Variants in DLG2 observed in about 807,000 individuals in gnomAD.
DLG2 encodes the protein disks large homolog 2.
In DLG2, 45 loss-of-function variants were observed where a neutral mutation model predicts 132.5. That is an observed-to-expected ratio of 0.34 (90% CI 0.27 to 0.44). The LOEUF is 0.44. Ranked by LOEUF, DLG2 falls within the 20% of genes least tolerant of loss-of-function variation. The probability of loss-of-function intolerance (pLI) is 1.00; values close to 1 mark genes in which losing one functional copy is unlikely to be tolerated. For synonymous variants in DLG2, 424 were observed against 419.6 expected, an observed-to-expected ratio of 1.01 and a Z score of -0.13; for missense variants, 1,045 against 1,196.9, an observed-to-expected ratio of 0.87 and a Z score of 1.87.
intron 3 of DLG2, among the ~76,000 whole-genome samples, chr11:85,454,164 C>T (rs548678379): frequency 1.3e-5 from 2 of 150,404 alleles, no homozygotes; most frequent in African/African-American, 2.4e-5. Context: ...TAGTATACCA[C>T]GTGTATAAGC....
intron 3 of DLG2, among the ~76,000 whole-genome samples, chr11:85,306,529 C>T (rs1398010090): frequency 6.6e-6 from 1 of 152,166 alleles, no homozygotes; most frequent in Non-Finnish European, 1.5e-5. Context: ...CCTTCCAACC[C>T]TTTAGGAACT....
chr11:84,193,872 C>G (rs1043556493), intron 8 of DLG2, among the ~76,000 whole-genome samples: 1 of 152,148 alleles, frequency 6.6e-6, no homozygotes, highest in African/African-American at 2.4e-5. Flanking sequence ...TACCTTTGGG[C>G]AAGGGGTGTT....
At chr11:85,485,268 G>T (rs1468028469) in intron 3 of DLG2, among the ~76,000 whole-genome samples, 1 of 152,122 alleles carries the variant, frequency 6.6e-6, no homozygotes, top group East Asian at 1.9e-4. Flanking sequence ...CGAGTTAGTG[G>T]GTGCAGCGCA....
intron 6 of DLG2, among the ~76,000 whole-genome samples, chr11:85,019,650 G>C (rs912492119): frequency 2.0e-5 from 3 of 152,054 alleles, no homozygotes; most frequent in Non-Finnish European, 4.4e-5. Flanking sequence ...CCCAGTGTGT[G>C]ATGTTCCCCA....
intron 6 of DLG2, among the ~76,000 whole-genome samples, chr11:84,586,217 G>A (rs756257176): frequency 6.8e-6 from 1 of 146,324 alleles, no homozygotes; most frequent in Non-Finnish European, 1.5e-5. Context: ...CTTTCTCTAT[G>A]TGTTCTGTTT....
chr11:85,349,336 T>G (rs2083100863), intron 3 of DLG2, among the ~76,000 whole-genome samples: 1 of 152,096 alleles, frequency 6.6e-6, no homozygotes, highest in Admixed American at 6.5e-5. Context: ...ACTAAGTGCC[T>G]TCTATCCACT....
Position 83,471,659 on chromosome 11 carries a change from C to T in DLG2, c.2413G>A (p.Glu805Lys). ...CAGGAGCCAAATTTATCAGGGAATT[C>T]AGATATCAAGTCGTCATTGATCCGA... ...KDRINDDLIS[E>K]FPDKFGSCVP... Residue 805 changes from glutamate to lysine, a missense_variant, in exon 24 of 28, where the codon GAA becomes AAA. Physicochemically the swap from Glu to Lys is moderately conservative, Grantham distance 56. This residue lies in a region of DLG2 where 398 missense variants were observed against 543.6 expected (regional missense o/e 0.73). Transcript: ENST00000376104. 6.2e-7 allele frequency: 1 copy of T among 1,613,186 alleles called. No individual in the cohort carries two copies. Among genetic ancestry groups the T allele is most frequent in the South Asian group, 1.1e-5 (1 of 91,036 alleles).
intron 18 of DLG2, among the ~76,000 whole-genome samples, chr11:83,762,919 T>G (rs933929825): frequency 6.6e-6 from 1 of 152,238 alleles, no homozygotes; most frequent in African/African-American, 2.4e-5. Flanking sequence ...TTAGAAGCTT[T>G]GAACATCTGA....
intron 4 of DLG2, among the ~76,000 whole-genome samples, chr11:85,209,571 G>A (rs1231328253): frequency 3.0e-5 from 4 of 135,510 alleles, no homozygotes; most frequent in Non-Finnish European, 6.2e-5. Context: ...GGAATTACAG[G>A]AGCACACTAC....
intron 6 of DLG2, among the ~76,000 whole-genome samples, chr11:84,987,572 C>A (rs947399014): frequency 1.3e-5 from 2 of 152,088 alleles, no homozygotes; most frequent in African/African-American, 4.8e-5. Context: ...AAAATAGGCA[C>A]ATAGACGAAT....
At chr11:83,933,641 T>C (rs2080835076) in intron 14 of DLG2, among the ~76,000 whole-genome samples, 1 of 152,228 alleles carries the variant, frequency 6.6e-6, no homozygotes, top group Non-Finnish European at 1.5e-5. Context: ...TGGTGTATGT[T>C]GGAGGGAGGT....
chr11:83,633,534 C>T (rs2063950487), intron 18 of DLG2, among the ~76,000 whole-genome samples: 1 of 151,946 alleles, frequency 6.6e-6, no homozygotes, highest in African/African-American at 2.4e-5. Context: ...CCAAAACGTA[C>T]CTGGAAAACA....
chr11:83,572,255 G>A (rs544221594), intron 19 of DLG2, among the ~76,000 whole-genome samples: 36 of 152,118 alleles, frequency 2.4e-4, no homozygotes, highest in African/African-American at 7.7e-4. Flanking sequence ...TGGGCTTGAA[G>A]TCATCTATTA....
Position 84,968,662 on chromosome 11 carries a change from CAT to C in DLG2, c.357+142997_357+142998del, listed in dbSNP as rs535843523. 4.9e-3 allele frequency among the ~76,000 whole-genome samples: 751 copies of C among 152,196 alleles called. 1 individual carries two copies. The highest frequency in any genetic ancestry group is 8.5e-3 in the Non-Finnish European group (577 of 68,016). ...TTGAAGACTATGGTAGAATTTTATACATGTTAAAATGTTTGAAAGTAATGTTC... is the reference window on the plus strand; with the variant it reads ...TTGAAGACTATGGTAGAATTTTATACGTTAAAATGTTTGAAAGTAATGTTC... On this transcript the variant is annotated intron_variant, in intron 6 of 27. Coordinates refer to ENST00000376104, the MANE Select transcript of DLG2 (RefSeq NM_001142699.3).
At chr11:84,314,238 A>G (rs2098331990) in intron 7 of DLG2, among the ~76,000 whole-genome samples, 1 of 152,202 alleles carries the variant, frequency 6.6e-6, no homozygotes, top group Non-Finnish European at 1.5e-5. Flanking sequence ...CTATTTTAAA[A>G]CATGCACTAT....
chr11:85,072,868 A>G (rs1252617501), intron 6 of DLG2, among the ~76,000 whole-genome samples: 1 of 151,876 alleles, frequency 6.6e-6, no homozygotes, highest in Non-Finnish European at 1.5e-5. Flanking sequence ...ACATTTCATC[A>G]TTTGATAGCA....
intron 17 of DLG2, among the ~76,000 whole-genome samples, chr11:83,811,975 C>T (rs965950005): frequency 6.6e-6 from 1 of 151,994 alleles, no homozygotes; most frequent in South Asian, 2.1e-4. Flanking sequence ...TAAAGTGTTC[C>T]AAGGAAACTA....
At chr11:84,465,074 A>T (rs1227895201) in intron 7 of DLG2, among the ~76,000 whole-genome samples, 1 of 151,242 alleles carries the variant, frequency 6.6e-6, no homozygotes, top group African/African-American at 2.4e-5. Flanking sequence ...AGACTATCAC[A>T]GTAAATTTAA....
At chr11:83,604,807 T>G (rs897969694) in intron 19 of DLG2, among the ~76,000 whole-genome samples, 27 of 152,122 alleles carry the variant, frequency 1.8e-4, no homozygotes, top group African/African-American at 6.5e-4. Context: ...CTAAAACTGC[T>G]TTAAAAAAAG....
Sources: allele counts gnomAD v4.1 joint callset (sites outside exome capture counted in the v4.1 genomes callset), GRCh38; gene constraint gnomAD v4.1.1; regional missense constraint gnomAD v4.1.1; transcripts MANE v1.5; gene names NCBI Gene and HGNC (gene_info 2026-07-23, HGNC 2026-07-21).